Variants in TMEM229B observed in about 807,000 individuals in gnomAD.
The protein encoded by TMEM229B is chromosome 14 open reading frame 83.
TMEM229B carries 6 observed loss-of-function variants against 13.7 expected under a neutral mutation model. The observed-to-expected ratio is 0.44, with a 90% CI of 0.24 to 0.86. The LOEUF is 0.86. Among genes scored for constraint, TMEM229B ranks in the 40% least tolerant of loss-of-function variants. TMEM229B has a pLI of 0.23. For missense variants in TMEM229B, 170 were observed against 236.0 expected (o/e 0.72, Z 1.83); for synonymous variants, 107 against 102.1 (o/e 1.05, Z -0.29).
At chr14:67,529,856 A>G (rs1240213042) in intron 1 of TMEM229B, among the ~76,000 whole-genome samples, 1 of 152,186 alleles carries the variant, frequency 6.6e-6, no homozygotes, top group African/African-American at 2.4e-5. Context: ...GTTTCCTGGG[A>G]GTCTGAAACT....
At chr14:67,508,761 A>AAAAAAAAAAAAAAAAAAC (rs1566698813) in intron 1 of TMEM229B, among the ~76,000 whole-genome samples, 2 of 149,624 alleles carry the variant, frequency 1.3e-5, no homozygotes, top group African/African-American at 2.4e-5. Context: ...CTCAAAAAAA[A>AAAAAAAAAAAAAAAAAAC]AAAAAAAAAA....
chr14:67,516,399 G>T (rs972561864), upstream of TMEM229B, among the ~76,000 whole-genome samples: 4 of 54,718 alleles, frequency 7.3e-5, no homozygotes, highest in East Asian at 2.2e-3. Context: ...TAGCTGGAGA[G>T]GGGGGGAAAT....
chr14:67,492,294 C>T (rs905138897), upstream of TMEM229B, among the ~76,000 whole-genome samples: 9 of 152,194 alleles, frequency 5.9e-5, no homozygotes, highest in African/African-American at 1.2e-4. Context: ...GCTGCCTGGC[C>T]GCCGTCCCAG....
At chr14:67,475,189 A>C (rs1410987296) in intron 2 of TMEM229B, among the ~76,000 whole-genome samples, 1 of 152,254 alleles carries the variant, frequency 6.6e-6, no homozygotes. Context: ...TGCTAGGATT[A>C]CAGGCGTGAG....
chr14:67,511,730 C>T (rs556199182), intron 1 of TMEM229B, among the ~76,000 whole-genome samples: 83 of 152,294 alleles, frequency 5.4e-4, no homozygotes, highest in African/African-American at 1.8e-3. Flanking sequence ...ACTCTGTGAC[C>T]TCCGCTCCAC....
intron 1 of TMEM229B, among the ~76,000 whole-genome samples, chr14:67,514,741 C>G (rs1314411219): frequency 1.3e-5 from 2 of 152,090 alleles, no homozygotes; most frequent in Non-Finnish European, 2.9e-5. Flanking sequence ...TGTCAACCTA[C>G]CGCTGCCCCT....
chr14:67,489,858 T>G (rs951250362), upstream of TMEM229B, among the ~76,000 whole-genome samples: 3 of 152,142 alleles, frequency 2.0e-5, no homozygotes, highest in African/African-American at 7.2e-5. Flanking sequence ...GGTGTGATGG[T>G]GGGCACCTGT....
intron 1 of TMEM229B, among the ~76,000 whole-genome samples, chr14:67,531,332 C>A (rs4902478): frequency 0.61 from 92,046 of 151,898 alleles, 28,339 homozygotes; most frequent in Non-Finnish European, 0.66. Context: ...AGTCACATAG[C>A]TAAAAAGTGG....
rs545272680 is a variant in TMEM229B at position 67,481,573 on chromosome 14, G to C, written c.-19+5427C>G. Among the ~76,000 whole-genome samples the C allele has an allele frequency of 2.0e-5, 3 of 152,340 alleles. No homozygotes were observed. The South Asian group carries it at 6.2e-4, about 32-fold the overall frequency. On this transcript the variant is annotated intron_variant, in intron 2 of 2. Coordinates refer to ENST00000554480, the MANE Select transcript of TMEM229B (RefSeq NM_001348543.2). ...TGGCTGAGGTGGCAGCTCCCAGTGT[G>C]GTGGGGAAGATGATAATATTAGAGG...
intron 2 of TMEM229B, among the ~76,000 whole-genome samples, chr14:67,480,456 G>A (rs74058425): frequency 1.5e-4 from 23 of 152,242 alleles, no homozygotes; most frequent in Middle Eastern, 3.4e-3. Flanking sequence ...GAGCCAGCCC[G>A]AGGGGCAGAC....
intron 2 of TMEM229B, among the ~76,000 whole-genome samples, chr14:67,483,682 T>C (rs1211055413): frequency 6.6e-6 from 1 of 152,074 alleles, no homozygotes; most frequent in Non-Finnish European, 1.5e-5. Context: ...CATGCGCCAT[T>C]CAAAGGCCCC....
chr14:67,511,794 C>T (rs572611255), intron 1 of TMEM229B, among the ~76,000 whole-genome samples: 98 of 152,312 alleles, frequency 6.4e-4, no homozygotes, highest in African/African-American at 2.3e-3. Context: ...TATAGCCTCA[C>T]AGGGGAGGAG....
chr14:67,514,087 T>G lies in TMEM229B; in HGVS notation c.-192+999A>C, dbSNP rs374007804. On this transcript the variant is annotated intron_variant, in intron 1 of 2. Transcript: ENST00000357461. Reference sequence around the variant, plus strand: ...TTATTACTAGGGTGCTGAGAACACATGAGAATTGGTGAGCAGAGCCCCCAA... The same window carrying G: ...TTATTACTAGGGTGCTGAGAACACAGGAGAATTGGTGAGCAGAGCCCCCAA... Among the ~76,000 whole-genome samples, 9 of 152,180 alleles carry G rather than the reference T, an allele frequency of 5.9e-5. No individual in the cohort carries two copies. The East Asian group carries it at 1.4e-3, about 23-fold the overall frequency.
At chr14:67,515,390 C>G (rs1197132210) in exon 1 of TMEM229B, 1 of 177,638 alleles carries the variant, frequency 5.6e-6, no homozygotes. Flanking sequence ...CGCCGCTGCC[C>G]GGGAGGAAAG....
chr14:67,493,160 A>T (rs2032235455), upstream of TMEM229B, among the ~76,000 whole-genome samples: 2 of 152,246 alleles, frequency 1.3e-5, no homozygotes, highest in African/African-American at 4.8e-5. Context: ...CAGCAAGGCC[A>T]GAGTAGCTGG....
At chr14:67,513,202 G>C (rs1187571874) in intron 1 of TMEM229B, among the ~76,000 whole-genome samples, 3 of 152,210 alleles carry the variant, frequency 2.0e-5, no homozygotes, top group Admixed American at 1.3e-4. Flanking sequence ...TGGAGGCTCG[G>C]AGGTCAGGCC....
intron 1 of TMEM229B, among the ~76,000 whole-genome samples, chr14:67,506,426 T>C (rs1208744855): frequency 6.6e-6 from 1 of 152,220 alleles, no homozygotes; most frequent in Non-Finnish European, 1.5e-5. Context: ...CAATGAGTCA[T>C]GTTTCTTTAC....
intron 1 of TMEM229B, among the ~76,000 whole-genome samples, chr14:67,530,214 C>G (rs1470554610): frequency 6.6e-6 from 1 of 152,194 alleles, no homozygotes; most frequent in East Asian, 1.9e-4. Context: ...ATTTATAGAT[C>G]ACTTGCTGCA....
chr14:67,523,276 A>G (rs1349315232), intron 1 of TMEM229B, among the ~76,000 whole-genome samples: 1 of 151,462 alleles, frequency 6.6e-6, no homozygotes, highest in Non-Finnish European at 1.5e-5. Context: ...GTGAGCCAAG[A>G]TGGCACCACT....
Sources: gnomAD v4.1 joint callset for allele counts (sites outside exome capture counted in the v4.1 genomes callset) on GRCh38, gnomAD v4.1.1 for gene constraint, MANE v1.5 for transcripts, NCBI Gene and HGNC (gene_info 2026-07-23, HGNC 2026-07-21) for gene names.